Variants in WNT3A observed in about 807,000 individuals in gnomAD.
WNT3A encodes the protein protein Wnt-3a.
Under a neutral mutation model 37.0 loss-of-function variants are expected in WNT3A, and 17 were observed. That is an observed-to-expected ratio of 0.46 (90% CI 0.31 to 0.69). The LOEUF (loss-of-function observed/expected upper bound fraction) is 0.69, where lower values mean the gene tolerates loss of function less well. Ranked by LOEUF, WNT3A falls within the 30% of genes least tolerant of loss-of-function variation. The probability of loss-of-function intolerance (pLI) is 0.05; values close to 1 mark genes in which losing one functional copy is unlikely to be tolerated. For missense variants in WNT3A, 411 were observed against 510.2 expected (o/e 0.81, Z 1.87); for synonymous variants, 187 against 211.0 (o/e 0.89, Z 0.99).
chr1:228,022,705 C>T lies in WNT3A; in HGVS notation c.110C>T (p.Ser37Leu), dbSNP rs761411292. The T allele has an allele frequency of 1.5e-5, 25 of 1,613,984 alleles. No homozygotes were observed. Among genetic ancestry groups the T allele is most frequent in the South Asian group, 3.3e-5 (3 of 91,076 alleles). Residue 37 changes from serine (S) to leucine (L), a missense_variant, in exon 2 of 4, where the codon TCG becomes TTG. Transcript: ENST00000284523. ...GGGCCACAGTATTCCTCCCTGGGCT[C>T]GCAGCCCATCCTGTGTGCCAGCATC... Reference protein sequence around the residue: ...AVGPQYSSLGSQPILCASIPG... With the variant: ...AVGPQYSSLGLQPILCASIPG...
intron 3 of WNT3A, among the ~76,000 whole-genome samples, chr1:228,056,244 A>T (rs1461628139): frequency 6.6e-6 from 1 of 152,220 alleles, no homozygotes; most frequent in African/African-American, 2.4e-5. Context: ...GGATCATCAG[A>T]CCTCTGAGGA....
rs2030249259 is a variant in WNT3A, at chr1:228,007,887, G to A, written c.71+688G>A. 6.6e-6 allele frequency among the ~76,000 whole-genome samples: 1 copy of A among 152,218 alleles called. No individual in the cohort carries two copies. Among genetic ancestry groups the A allele is most frequent in the South Asian group, 2.1e-4 (1 of 4,836 alleles). On this transcript the variant is annotated intron_variant, in intron 1 of 3. Coordinates refer to ENST00000284523, the MANE Select transcript of WNT3A (RefSeq NM_033131.4). The surrounding 1 kb of genome is among the most constrained non-coding windows in gnomAD (Gnocchi z 6.0). Reference sequence around the variant, plus strand: ...GTAGAGAGAGTTAAGGGTGAGTTAAGCACGGGGTGTGAGGGGCTCCAGGAC... The same window carrying A: ...GTAGAGAGAGTTAAGGGTGAGTTAAACACGGGGTGTGAGGGGCTCCAGGAC...
intron 1 of WNT3A, among the ~76,000 whole-genome samples, chr1:228,013,082 C>G (rs2030421592): frequency 6.6e-6 from 1 of 152,160 alleles, no homozygotes; most frequent in South Asian, 2.1e-4. Flanking sequence ...TCTCTCTCTA[C>G]AAGAAACCAT....
At chr1:228,049,123 G>A (rs2031488636) in intron 2 of WNT3A, among the ~76,000 whole-genome samples, 1 of 152,228 alleles carries the variant, frequency 6.6e-6, no homozygotes, top group African/African-American at 2.4e-5. Context: ...GCCCTGGGGA[G>A]GCGGGCACTG....
intron 3 of WNT3A, 116 bp from the exon 4 acceptor site, chr1:228,058,870 C>T: frequency 9.3e-7 from 1 of 1,078,914 alleles, no homozygotes; most frequent in Non-Finnish European, 1.3e-6. Context: ...GGAGTCTGCC[C>T]CCTCTGCCCG....
At chr1:228,057,208 A>G (rs1345609425) in intron 3 of WNT3A, among the ~76,000 whole-genome samples, 1 of 152,250 alleles carries the variant, frequency 6.6e-6, no homozygotes, top group Admixed American at 6.5e-5. Flanking sequence ...TACCACCAGC[A>G]GTGAATATTG....
intron 1 of WNT3A, among the ~76,000 whole-genome samples, chr1:228,013,329 G>A (rs949036214): frequency 1.3e-5 from 2 of 152,212 alleles, no homozygotes; most frequent in Non-Finnish European, 2.9e-5. Flanking sequence ...GGCTGGTGAG[G>A]GGCACATGGC....
chr1:228,049,681 T>C (rs1341236557), intron 2 of WNT3A, among the ~76,000 whole-genome samples: 1 of 152,208 alleles, frequency 6.6e-6, no homozygotes, highest in Non-Finnish European at 1.5e-5. Flanking sequence ...ACTCTTTGAT[T>C]GCAGCCATCC....
chr1:228,059,857 G>A lies in WNT3A; in HGVS notation c.*392G>A, dbSNP rs560244255. 7 of 1,059,632 alleles carry A rather than the reference G, an allele frequency of 6.6e-6. No individual in the cohort carries two copies. Among genetic ancestry groups the A allele is most frequent in the Admixed American group, 1.0e-4 (2 of 19,424 alleles). The allele number at this position is 1,059,632 out of a possible 1,614,324, so 65.6% of individuals were successfully genotyped here. On this transcript the variant is annotated 3_prime_UTR_variant, in exon 4 of 4. Coordinates refer to ENST00000284523, the MANE Select transcript of WNT3A (RefSeq NM_033131.4). Reference sequence around the variant, plus strand: ...GTAAGGGCGTGGCTCTGGGTGGGCGGGGCACTAGGTAGGCTTCTACCTGCA... The same window carrying A: ...GTAAGGGCGTGGCTCTGGGTGGGCGAGGCACTAGGTAGGCTTCTACCTGCA...
At chr1:228,015,229 G>A (rs1234993573) in intron 1 of WNT3A, among the ~76,000 whole-genome samples, 2 of 152,226 alleles carry the variant, frequency 1.3e-5, no homozygotes, top group African/African-American at 4.8e-5. Flanking sequence ...TGCTGGTACT[G>A]CGATCTGCTA....
In WNT3A at chr1:228,050,501, G is replaced by A. The variant is rs559673016; in HGVS notation, c.314-155G>A. ...CTGGAGCCATGCTTCTGTGTAGCCTGTAGATCCGTGAACCAAGTAAGCCTC... is the reference window on the plus strand; with the variant it reads ...CTGGAGCCATGCTTCTGTGTAGCCTATAGATCCGTGAACCAAGTAAGCCTC... On this transcript the variant is annotated intron_variant, in intron 2 of 3. Coordinates refer to ENST00000284523, the MANE Select transcript of WNT3A (RefSeq NM_033131.4). This position sits in a 1 kb window ranked among gnomAD's most constrained non-coding sequence, Gnocchi z 5.0. 6.6e-6 allele frequency among the ~76,000 whole-genome samples: 1 copy of A among 152,322 alleles called. No individual in the cohort carries two copies. Among genetic ancestry groups the A allele is most frequent in the East Asian group, 1.9e-4 (1 of 5,188 alleles).
At chr1:228,043,577 G>C (rs1026488345) in intron 2 of WNT3A, among the ~76,000 whole-genome samples, 19 of 152,236 alleles carry the variant, frequency 1.2e-4, no homozygotes, top group African/African-American at 4.3e-4. Flanking sequence ...AGAAACCCCT[G>C]ACAAAGGTGT....
At chr1:228,030,170 A>G (rs2030964213) in intron 2 of WNT3A, among the ~76,000 whole-genome samples, 1 of 151,858 alleles carries the variant, frequency 6.6e-6, no homozygotes, top group South Asian at 2.1e-4. Context: ...GGAGGCGGGC[A>G]GATCACTTGA....
chr1:228,009,408 C>T (rs941838729), intron 1 of WNT3A, among the ~76,000 whole-genome samples: 20 of 152,186 alleles, frequency 1.3e-4, no homozygotes, highest in African/African-American at 4.1e-4. Context: ...CCTTAATAGC[C>T]GGGGAAGATT....
At chr1:228,026,404 G>A (rs978006694) in intron 2 of WNT3A, among the ~76,000 whole-genome samples, 1 of 152,002 alleles carries the variant, frequency 6.6e-6, no homozygotes, top group Admixed American at 6.6e-5. Flanking sequence ...AAAACTTTGA[G>A]CTGCCTGCAT....
intron 3 of WNT3A, among the ~76,000 whole-genome samples, chr1:228,052,681 T>C (rs1282535379): frequency 6.6e-6 from 1 of 152,182 alleles, no homozygotes; most frequent in Non-Finnish European, 1.5e-5. Flanking sequence ...GAACAGGGGA[T>C]ATTCACCTTT....
intron 1 of WNT3A, among the ~76,000 whole-genome samples, chr1:228,013,775 G>A (rs2030446339): frequency 6.6e-6 from 1 of 152,238 alleles, no homozygotes; most frequent in African/African-American, 2.4e-5. Flanking sequence ...CCCTCGGGCA[G>A]TCTCAGCCTG....
At position 228,007,670 on chromosome 1, in the gene WNT3A, A is replaced by G. The variant is rs1344910496; in HGVS notation, c.71+471A>G. Among the ~76,000 whole-genome samples, 1 of 152,032 alleles carries G rather than the reference A, an allele frequency of 6.6e-6. No homozygotes were observed. Among genetic ancestry groups the G allele is most frequent in the Non-Finnish European group, 1.5e-5 (1 of 67,908 alleles). ...AACAAAGTCGATGAGACAAGACTGA[A>G]CAGCTCGGAGCAGCGTGGTTACGTA... On this transcript the variant is annotated intron_variant, in intron 1 of 3. Coordinates refer to ENST00000284523, the MANE Select transcript of WNT3A (RefSeq NM_033131.4). The surrounding 1 kb of genome is among the most constrained non-coding windows in gnomAD (Gnocchi z 6.0).
At chr1:228,045,609 A>G (rs769684473) in intron 2 of WNT3A, among the ~76,000 whole-genome samples, 7 of 152,148 alleles carry the variant, frequency 4.6e-5, no homozygotes, top group Non-Finnish European at 1.0e-4. Context: ...ATTCACTCAG[A>G]GGCAGTGGGT....
Sources: gnomAD v4.1 joint callset for allele counts (sites outside exome capture counted in the v4.1 genomes callset) on GRCh38, gnomAD v4.1.1 for gene constraint, Gnocchi (gnomAD v3.1) non-coding constraint, MANE v1.5 for transcripts, NCBI Gene and HGNC (gene_info 2026-07-23, HGNC 2026-07-21) for gene names.